The following UTP20 variants were observed in gnomAD, a reference collection of about 807,000 sequenced individuals.
UTP20 encodes the protein UTP20 small subunit processome component.
UTP20 carries 164 observed loss-of-function variants against 329.5 expected under a neutral mutation model. The ratio of observed to expected loss-of-function variants is 0.50; its 90% CI spans 0.44 to 0.57. The LOEUF is 0.57. Ranked by LOEUF, UTP20 falls within the 20% of genes least tolerant of loss-of-function variation. UTP20 has a pLI of 0.00. For missense variants in UTP20, 3,055 were observed against 3,284.2 expected, an observed-to-expected ratio of 0.93 and a Z score of 1.71; for synonymous variants, 1,151 against 1,159.3, an observed-to-expected ratio of 0.99 and a Z score of 0.14.
At chr12:101,302,586 G>T (rs773385820) in intron 15 of UTP20, 33 bp downstream of exon 15, 1 of 1,396,130 alleles carries the variant, frequency 7.2e-7, no homozygotes, top group Admixed American at 2.2e-5. Flanking sequence ...GTTTAGTAAT[G>T]AATAAAATAT....
chr12:101,349,319 C>A (rs958615909), intron 38 of UTP20, among the ~76,000 whole-genome samples: 1 of 151,014 alleles, frequency 6.6e-6, no homozygotes, highest in African/African-American at 2.4e-5. Flanking sequence ...ACCTTAGTGT[C>A]GTTTCTTTTA....
chr12:101,289,737 C>G (rs1872078476), intron 6 of UTP20, among the ~76,000 whole-genome samples: 1 of 152,030 alleles, frequency 6.6e-6, no homozygotes, highest in South Asian at 2.1e-4. Flanking sequence ...AGCATGGTGT[C>G]ATTTGTGTTT....
intron 25 of UTP20, among the ~76,000 whole-genome samples, chr12:101,323,602 G>T (rs959104270): frequency 9.9e-5 from 15 of 152,050 alleles, no homozygotes; most frequent in Non-Finnish European, 4.4e-5. Flanking sequence ...TGTTTTAAAA[G>T]ATTATGGGTC....
chr12:101,286,990 T>C (rs1871979746), intron 5 of UTP20, among the ~76,000 whole-genome samples: 1 of 152,172 alleles, frequency 6.6e-6, no homozygotes, highest in Non-Finnish European at 1.5e-5. Context: ...TATTTGTGAG[T>C]AAATGTGGAC....
In UTP20 at chr12:101,334,580, A is replaced by G. The variant is rs372021444; in HGVS notation, c.3641+76A>G. The stretch of plus-strand genomic sequence containing the variant: ...TCTGGTTAAAGCAGTCCAGGAAACT[A>G]ATAGTGTAATTTATGGTCTTTCCAT... On this transcript the variant is annotated intron_variant, in intron 29 of 61. Coordinates refer to ENST00000261637, the MANE Select transcript of UTP20 (RefSeq NM_014503.3). 53 of 1,238,462 alleles carry G rather than the reference A, an allele frequency of 4.3e-5. No individual in the cohort carries two copies. The African/African-American group carries it at 4.9e-4, about 12-fold the overall frequency. The allele number at this position is 1,238,462 out of a possible 1,614,324, so 76.7% of individuals were successfully genotyped here.
chr12:101,324,072 G>T (rs565123225), intron 25 of UTP20, among the ~76,000 whole-genome samples: 1 of 152,030 alleles, frequency 6.6e-6, no homozygotes, highest in East Asian at 1.9e-4. Context: ...GGGAGGTGGA[G>T]GTTGCAGTGA....
At chr12:101,293,356 G>A (rs1872235455) in intron 11 of UTP20, 111 bp downstream of exon 11, 2 of 898,072 alleles carry the variant, frequency 2.2e-6, no homozygotes, top group Non-Finnish European at 3.5e-6. Context: ...AACAGGATAA[G>A]TGCTTGATGT....
intron 40 of UTP20, 107 bp from the exon 41 acceptor site, chr12:101,354,725 T>G: frequency 1.6e-6 from 2 of 1,220,984 alleles, no homozygotes; most frequent in South Asian, 1.5e-5. Flanking sequence ...AGTTGCTGAT[T>G]AGATATTTTT....
chr12:101,344,934 CTTTTTTTTTTTTTT>C (rs11417670), intron 36 of UTP20, among the ~76,000 whole-genome samples, 184 bp downstream of exon 36: 2 of 61,564 alleles, frequency 3.2e-5, no homozygotes, highest in African/African-American at 1.2e-4. Flanking sequence ...CTTTTTTTTG[CTTTTTTTTTTTTTT>C]TTTTTTTTTT....
At chr12:101,303,006 T>C (rs1872561752) in intron 15 of UTP20, among the ~76,000 whole-genome samples, 1 of 152,218 alleles carries the variant, frequency 6.6e-6, no homozygotes, top group Non-Finnish European at 1.5e-5. Flanking sequence ...GGTTTCTTTG[T>C]TTGCTTTTTA....
intron 18 of UTP20, among the ~76,000 whole-genome samples, chr12:101,308,565 A>G (rs1042078953): frequency 1.3e-5 from 2 of 152,144 alleles, no homozygotes; most frequent in Non-Finnish European, 2.9e-5. Flanking sequence ...GGCATGAGCC[A>G]CTGTACCTGG....
intron 20 of UTP20, 68 bp downstream of exon 20, chr12:101,311,866 T>TAATTACTC: frequency 1.3e-6 from 2 of 1,562,600 alleles, no homozygotes; most frequent in Non-Finnish European, 1.7e-6. Flanking sequence ...TTTTATTGCT[T>TAATTACTC]AATTACTCAC....
At chr12:101,306,178 G>C in intron 16 of UTP20, 113 bp downstream of exon 16, 2 of 1,296,572 alleles carry the variant, frequency 1.5e-6, no homozygotes, top group Non-Finnish European at 2.1e-6. Flanking sequence ...GATGATTTCT[G>C]TTTAAAGCGA....
chr12:101,333,160 C>G, intron 27 of UTP20, 141 bp from the exon 28 acceptor site: 1 of 771,730 alleles, frequency 1.3e-6, no homozygotes, highest in Non-Finnish European at 2.0e-6. Flanking sequence ...GGTTGGTGTT[C>G]CCATGTAAAT....
intron 28 of UTP20, among the ~76,000 whole-genome samples, chr12:101,333,907 G>A (rs1001603644): frequency 2.6e-5 from 4 of 152,120 alleles, no homozygotes; most frequent in East Asian, 1.9e-4. Context: ...CAGGTGATCC[G>A]CCTGCCTTGG....
At chr12:101,340,676 A>G in intron 32 of UTP20, 66 bp downstream of exon 32, 1 of 981,876 alleles carries the variant, frequency 1.0e-6, no homozygotes, top group South Asian at 1.5e-5. Flanking sequence ...TTTAATTGCG[A>G]GCAGCAATTT....
chr12:101,356,453 A>G (rs1593446732), intron 41 of UTP20, 101 bp from the exon 42 acceptor site: 1 of 1,086,618 alleles, frequency 9.2e-7, no homozygotes, highest in East Asian at 2.8e-5. Context: ...ATGATCATCC[A>G]TCCTTCTAGA....
Position 101,356,599 on chromosome 12 carries a change from A to T in UTP20, c.5440A>T (p.Asn1814Tyr), listed in dbSNP as rs1869730301. ...CAAGCTTGTCAAGTCAAAGGTTGTG[A>T]ATGATGAGGAAGTCGTTCGAGTTCC... Reference protein sequence around the residue: ...EHKLVKSKVVNDEEVVRVPLA... With the variant: ...EHKLVKSKVVYDEEVVRVPLA... The change falls in exon 42 of 62, where the codon AAT (asparagine) becomes TAT (tyrosine). Residue 1814 changes from asparagine to tyrosine, a missense_variant. Coordinates refer to ENST00000261637, the MANE Select transcript of UTP20 (RefSeq NM_014503.3). 6.2e-7 allele frequency: 1 copy of T among 1,613,792 alleles called. No individual in the cohort carries two copies. The highest frequency in any genetic ancestry group is 1.1e-5 in the South Asian group (1 of 90,994).
intron 44 of UTP20, among the ~76,000 whole-genome samples, 180 bp from the exon 45 acceptor site, chr12:101,363,396 G>T (rs1025644084): frequency 4.6e-5 from 7 of 151,816 alleles, no homozygotes; most frequent in African/African-American, 1.7e-4. Flanking sequence ...TTTAGTAATT[G>T]GTCCCTAAAT....
Sources: allele counts gnomAD v4.1 joint callset (sites outside exome capture counted in the v4.1 genomes callset), GRCh38; gene constraint gnomAD v4.1.1; transcripts MANE v1.5; gene names NCBI Gene and HGNC (gene_info 2026-07-23, HGNC 2026-07-21).